Variants in EMP1 observed in about 807,000 individuals in gnomAD.
EMP1 encodes the protein tumor-associated membrane protein.
EMP1 carries 5 observed loss-of-function variants against 15.7 expected under a neutral mutation model. That is an observed-to-expected ratio of 0.32 (90% CI 0.17 to 0.67). The LOEUF (loss-of-function observed/expected upper bound fraction) is 0.67, where lower values mean the gene tolerates loss of function less well. Among genes scored for constraint, EMP1 ranks in the 30% least tolerant of loss-of-function variants. The probability of loss-of-function intolerance (pLI) is 0.74; values close to 1 mark genes in which losing one functional copy is unlikely to be tolerated. For synonymous variants in EMP1, 78 were observed against 76.7 expected (o/e 1.02, Z -0.09); for missense variants, 166 against 194.2 (o/e 0.85, Z 0.86).
At chr12:13,198,489 G>A (rs1040641786) in intron 1 of EMP1, among the ~76,000 whole-genome samples, 3 of 152,220 alleles carry the variant, frequency 2.0e-5, no homozygotes, top group Admixed American at 2.0e-4. Context: ...TTGTAAAACT[G>A]CCCCAAGGGG....
rs1390583417 is a variant in EMP1, at chr12:13,214,161, C to A, written c.316+340C>A. Reference sequence around the variant, plus strand: ...CAATGCACATCATTATTGTGATTCTCACTTAATTGTTGTTCTTTCCCAATA... The same window carrying A: ...CAATGCACATCATTATTGTGATTCTAACTTAATTGTTGTTCTTTCCCAATA... On this transcript the variant is annotated intron_variant, in intron 4 of 4. Transcript: ENST00000256951. The A allele has an allele frequency of 5.0e-6, 3 of 602,426 alleles. No individual in the cohort carries two copies. In the African/African-American group the frequency reaches 5.6e-5, roughly 11 times the overall value. The allele number at this position is 602,426 out of a possible 1,614,324, so 37.3% of individuals were successfully genotyped here. A position where few individuals can be genotyped will look rare whatever the true frequency, so the allele number is the denominator to read the frequency against.
At position 13,219,392 on chromosome 12, in the gene EMP1, G is replaced by A. The variant is rs1411816714; in HGVS notation, c.*4701G>A. 2 of 152,122 alleles carry A rather than the reference G, an allele frequency of 1.3e-5. No individual in the cohort carries two copies. Among genetic ancestry groups the A allele is most frequent in the African/African-American group, 4.8e-5 (2 of 41,410 alleles). The allele number at this position is 152,122 out of a possible 1,614,324, so 9.4% of individuals were successfully genotyped here. A position where few individuals can be genotyped will look rare whatever the true frequency, so the allele number is the denominator to read the frequency against. ...TCGTCCACATCACTGTCAGCATTTT[G>A]GTTAAAACCATTCAACAAGTCTCCA... On this transcript the variant is annotated 3_prime_UTR_variant, in exon 5 of 5. Coordinates refer to ENST00000256951, the MANE Select transcript of EMP1 (RefSeq NM_001423.3).
chr12:13,211,728 G>A lies in EMP1; in HGVS notation c.78+140G>A, dbSNP rs1456471981. 9.4e-6 allele frequency: 8 copies of A among 847,450 alleles called. No homozygotes were observed. The highest frequency in any genetic ancestry group is 3.1e-5 in the South Asian group (2 of 63,808). 52.5% of individuals were successfully genotyped at this position (847,450 alleles called of 1,614,324 possible). A position where few individuals can be genotyped will look rare whatever the true frequency, so the allele number is the denominator to read the frequency against. ...TTGTGGGAAAACAAAATAAACACAC[G>A]CTTGCCCTTCAAACAATTAAATAAC... On this transcript the variant is annotated intron_variant, in intron 2 of 4. Coordinates refer to ENST00000256951, the MANE Select transcript of EMP1 (RefSeq NM_001423.3). This position sits in a 1 kb window ranked among gnomAD's most constrained non-coding sequence, Gnocchi z 4.7.
At chr12:13,203,365 G>C (rs989507204) in intron 1 of EMP1, among the ~76,000 whole-genome samples, 1 of 152,222 alleles carries the variant, frequency 6.6e-6, no homozygotes. Flanking sequence ...CTGCAGTCTG[G>C]GGGAGTAGGC....
chr12:13,215,633 A>G lies in EMP1; in HGVS notation c.*942A>G, dbSNP rs992307071. The G allele has an allele frequency of 3.9e-5, 6 of 152,234 alleles. No individual in the cohort carries two copies. The highest frequency in any genetic ancestry group is 2.6e-4 in the Admixed American group (4 of 15,280). 9.4% of individuals were successfully genotyped at this position (152,234 alleles called of 1,614,324 possible). On this transcript the variant is annotated 3_prime_UTR_variant, in exon 5 of 5. Transcript: ENST00000256951. ...GATGGACATGGCTCATTGTAGCACA[A>G]TCCTATTACTCTTCCTCTAACATTT...
In EMP1 at chr12:13,211,556, G is replaced by C. The variant is rs758150356; in HGVS notation, c.46G>C (p.Val16Leu). The change falls in exon 2 of 5, where the codon GTT becomes CTT. Residue 16 changes from valine (V) to leucine (L), a missense_variant. Val to Leu is a conservative substitution (Grantham distance 32). Coordinates refer to ENST00000256951, the MANE Select transcript of EMP1 (RefSeq NM_001423.3). The surrounding 1 kb of genome is among the most constrained non-coding windows in gnomAD (Gnocchi z 4.7). ...AGIFVVHIAT[V>L]IMLFVSTIAN... is the part of the protein sequence containing the mutation. ...TATCTTTGTGGTCCACATCGCTACT[G>C]TTATTATGCTATTTGTTAGCACCAT... 45 of 1,613,376 alleles carry C rather than the reference G, an allele frequency of 2.8e-5. 1 individual carries two copies. The East Asian group carries it at 6.0e-4, about 22-fold the overall frequency.
intron 4 of EMP1, chr12:13,214,311 A>G (rs1723780162): frequency 1.6e-6 from 1 of 641,072 alleles, no homozygotes; most frequent in African/African-American, 1.8e-5. Context: ...CAGCGTGGCC[A>G]CACAAACCAG....
At chr12:13,209,780 A>C (rs991961800) in intron 1 of EMP1, among the ~76,000 whole-genome samples, 1 of 152,206 alleles carries the variant, frequency 6.6e-6, no homozygotes, top group African/African-American at 2.4e-5. Context: ...TAAGTCAAGC[A>C]GAAAATTGGG....
chr12:13,215,598 A>G lies in EMP1; in HGVS notation c.*907A>G, dbSNP rs1864208031. On this transcript the variant is annotated 3_prime_UTR_variant, in exon 5 of 5. Transcript: ENST00000256951. ...AGTCAGTGTTTCTTTTAAGTATACA[A>G]CAGGAGAGAGATGGACATGGCTCAT... 1 of 152,260 alleles carries G rather than the reference A, an allele frequency of 6.6e-6. No homozygotes were observed. The highest frequency in any genetic ancestry group is 2.1e-4 in the South Asian group (1 of 4,830). The allele number at this position is 152,260 out of a possible 1,614,324, so 9.4% of individuals were successfully genotyped here.
At position 13,216,314 on chromosome 12, in the gene EMP1, G is replaced by A; in HGVS notation, c.*1623G>A. On this transcript the variant is annotated 3_prime_UTR_variant, in exon 5 of 5. Coordinates refer to ENST00000256951, the MANE Select transcript of EMP1 (RefSeq NM_001423.3). ...GGGAGTTGTTATGCCATGATTTTTG[G>A]TATTTATGTAAAAGGATTATTACTA... 1 of 688,806 alleles carries A rather than the reference G, an allele frequency of 1.5e-6. No homozygotes were observed. Among genetic ancestry groups the A allele is most frequent in the Non-Finnish European group, 2.6e-6 (1 of 378,770 alleles). The allele number at this position is 688,806 out of a possible 1,614,324, so 42.7% of individuals were successfully genotyped here. A position where few individuals can be genotyped will look rare whatever the true frequency, so the allele number is the denominator to read the frequency against.
At position 13,219,901 on chromosome 12, in the gene EMP1, G is replaced by A. The variant is rs1864244158; in HGVS notation, c.*5210G>A. The A allele has an allele frequency of 6.6e-6, 1 of 152,152 alleles. No individual in the cohort carries two copies. The highest frequency in any genetic ancestry group is 2.1e-4 in the South Asian group (1 of 4,826). 9.4% of individuals were successfully genotyped at this position (152,152 alleles called of 1,614,324 possible). The stretch of plus-strand genomic sequence containing the variant: ...GGGCTAAAAAGACTTCTGTAATCTA[G>A]CTTGGAAACTTAATAATCATTAAAC... On this transcript the variant is annotated 3_prime_UTR_variant, in exon 5 of 5. Coordinates refer to ENST00000256951, the MANE Select transcript of EMP1 (RefSeq NM_001423.3).
At chr12:13,199,272 C>T (rs143846983) in intron 1 of EMP1, 652 of 152,676 alleles carry the variant, frequency 4.3e-3, no homozygotes, top group Non-Finnish European at 7.0e-3. Context: ...CCTGCTTCCT[C>T]CAGAGACCAG....
intron 1 of EMP1, among the ~76,000 whole-genome samples, chr12:13,205,243 GCAGA>G (rs1361851482): frequency 6.6e-6 from 1 of 152,220 alleles, no homozygotes; most frequent in African/African-American, 2.4e-5. Context: ...GATTAAATCT[GCAGA>G]CAAACTAGTG....
chr12:13,214,343 A>G (rs1864193917), intron 4 of EMP1, 191 bp from the exon 5 acceptor site: 1 of 722,868 alleles, frequency 1.4e-6, no homozygotes, highest in East Asian at 2.7e-5. Context: ...GAGCCCAGAC[A>G]CCTCTAATTT....
At chr12:13,201,930 T>A (rs1346938124) in intron 1 of EMP1, among the ~76,000 whole-genome samples, 1 of 149,062 alleles carries the variant, frequency 6.7e-6, no homozygotes, top group African/African-American at 2.5e-5. Flanking sequence ...GGTGTACAGG[T>A]GTGGACAGGA....
chr12:13,218,591 A>G lies in EMP1; in HGVS notation c.*3900A>G, dbSNP rs17395156. The stretch of plus-strand genomic sequence containing the variant: ...GAGGTAGACACGATTTTCAGAGCAC[A>G]AAACAGATAAGGAAAGATGTATGCT... On this transcript the variant is annotated 3_prime_UTR_variant, in exon 5 of 5. Coordinates refer to ENST00000256951, the MANE Select transcript of EMP1 (RefSeq NM_001423.3). 23,829 of 152,148 alleles carry G rather than the reference A, an allele frequency of 0.16. 2,019 individuals are homozygous for G. Among genetic ancestry groups the G allele is most frequent in the South Asian group, 0.2 (969 of 4,818 alleles). The allele number at this position is 152,148 out of a possible 1,614,324, so 9.4% of individuals were successfully genotyped here.
chr12:13,203,189 G>A (rs978047308), intron 1 of EMP1, among the ~76,000 whole-genome samples: 1 of 152,188 alleles, frequency 6.6e-6, no homozygotes, highest in Non-Finnish European at 1.5e-5. Context: ...CCCAAGCGCC[G>A]CTGGGGCCGG....
intron 1 of EMP1, among the ~76,000 whole-genome samples, chr12:13,207,381 C>T (rs1302019522): frequency 6.6e-6 from 1 of 152,148 alleles, no homozygotes; most frequent in Non-Finnish European, 1.5e-5. Flanking sequence ...ATTCTGTTAG[C>T]TAAGAACTTT....
rs373481556 is a variant in EMP1, at chr12:13,211,632, C to T, written c.78+44C>T. 8.1e-6 allele frequency: 13 copies of T among 1,601,880 alleles called. No homozygotes were observed. The highest frequency in any genetic ancestry group is 6.7e-5 in the East Asian group (3 of 44,830). On this transcript the variant is annotated intron_variant, in intron 2 of 4. Coordinates refer to ENST00000256951, the MANE Select transcript of EMP1 (RefSeq NM_001423.3). The surrounding 1 kb of genome is among the most constrained non-coding windows in gnomAD (Gnocchi z 4.7). ...TTCATTCATTCATTGAGAAATCATTCGAATATTTACATCAAGTGCACAAAA... is the reference window on the plus strand; with the variant it reads ...TTCATTCATTCATTGAGAAATCATTTGAATATTTACATCAAGTGCACAAAA...
Sources: allele counts gnomAD v4.1 joint callset (sites outside exome capture counted in the v4.1 genomes callset), GRCh38; gene constraint gnomAD v4.1.1; non-coding constraint Gnocchi (gnomAD v3.1); transcripts MANE v1.5; gene names NCBI Gene and HGNC (gene_info 2026-07-23, HGNC 2026-07-21).